CSDE1: variants seen among roughly 807,000 people sequenced by gnomAD.
CSDE1 encodes cold shock domain containing E1.
Under a neutral mutation model 89.3 loss-of-function variants are expected in CSDE1, and 17 were observed. The observed-to-expected ratio is 0.19, with a 90% CI of 0.13 to 0.29. The LOEUF (loss-of-function observed/expected upper bound fraction) is 0.29. Ranked by LOEUF, CSDE1 falls within the 10% of genes least tolerant of loss-of-function variation. The pLI is 1.00. For missense variants in CSDE1, 672 were observed against 984.2 expected (o/e 0.68, Z 4.24); for synonymous variants, 322 against 332.8 (o/e 0.97, Z 0.35).
intron 5 of CSDE1, 117 bp downstream of exon 5, chr1:114,737,354 C>A: frequency 1.1e-6 from 1 of 871,350 alleles, no homozygotes; most frequent in Non-Finnish European, 1.8e-6. Context: ...TCTTAGAAAC[C>A]AAATTTAAAA....
chr1:114,718,651 T>C lies in CSDE1; in HGVS notation c.2311A>G (p.Met771Val). 2 of 1,614,174 alleles carry C rather than the reference T, an allele frequency of 1.2e-6. No individual in the cohort carries two copies. Among genetic ancestry groups the C allele is most frequent in the Middle Eastern group, 1.7e-4 (1 of 6,060 alleles). The change falls in exon 19 of 20, where the codon ATG (methionine) becomes GTG (valine). Residue 771 changes from methionine to valine, a missense_variant. Met to Val is a conservative substitution (Grantham distance 21, BLOSUM62 1). This residue lies in a region of CSDE1 where 206 missense variants were observed against 332.4 expected (regional missense o/e 0.62). Transcript: ENST00000358528. Reference protein sequence around the residue: ...TLDDASAPRLMVLRQPRGPDN... With the variant: ...TLDDASAPRLVVLRQPRGPDN... ...GGTCCCCTTGGCTGACGAAGAACCA[T>C]TAGGCGAGGAGCACTGGCATCATCC...
At chr1:114,741,419 A>C in intron 2 of CSDE1, 1 of 1,040,466 alleles carries the variant, frequency 9.6e-7, no homozygotes, top group Non-Finnish European at 1.3e-6. Flanking sequence ...TGATTCGGGA[A>C]GTTAGAAGGT....
At chr1:114,741,613 G>A in intron 2 of CSDE1, 1 of 1,549,090 alleles carries the variant, frequency 6.5e-7, no homozygotes, top group Non-Finnish European at 8.7e-7. Context: ...AGTGAAGGAG[G>A]GGCTGCAGGA....
At chr1:114,719,546 A>G (rs1659394138) in intron 18 of CSDE1, 33 bp downstream of exon 18, 1 of 1,602,702 alleles carries the variant, frequency 6.2e-7, no homozygotes. Flanking sequence ...ACTCCAGGGT[A>G]GTTACTAATC....
intron 1 of CSDE1, among the ~76,000 whole-genome samples, chr1:114,753,504 T>C (rs1407688892): frequency 1.3e-5 from 2 of 152,210 alleles, no homozygotes; most frequent in Admixed American, 6.5e-5. Context: ...TAAATAGCTA[T>C]CCACTCATGC....
At chr1:114,723,796 T>C (rs1659654599) in intron 16 of CSDE1, 87 bp downstream of exon 16, 1 of 1,570,358 alleles carries the variant, frequency 6.4e-7, no homozygotes, top group Non-Finnish European at 8.7e-7. Flanking sequence ...TAAAAACAAC[T>C]GCAATAAGCA....
intron 16 of CSDE1, among the ~76,000 whole-genome samples, chr1:114,721,358 G>A (rs1238775281): frequency 6.6e-6 from 1 of 152,184 alleles, no homozygotes; most frequent in Admixed American, 6.5e-5. Context: ...GGTTGTGGCT[G>A]TGATCACAAG....
At chr1:114,733,431 CA>C (rs1202294216) in intron 9 of CSDE1, among the ~76,000 whole-genome samples, 1 of 150,056 alleles carries the variant, frequency 6.7e-6, no homozygotes, top group Non-Finnish European at 1.5e-5. Flanking sequence ...GAGGCTGAGG[CA>C]GGAGAATCGC....
In CSDE1 at chr1:114,717,972, C is replaced by A; in HGVS notation, c.*197G>T. On this transcript the variant is annotated 3_prime_UTR_variant, in exon 20 of 20. Coordinates refer to ENST00000358528, the MANE Select transcript of CSDE1 (RefSeq NM_001007553.3). ...TAAGTTTTTCCAGGCTGCAACTGTG[C>A]ATTATTTAAAATGGTTTTCTTAAAT... The A allele has an allele frequency of 1.7e-6, 1 of 571,760 alleles. No individual in the cohort carries two copies. Among genetic ancestry groups the A allele is most frequent in the Non-Finnish European group, 3.0e-6 (1 of 331,274 alleles). The allele number at this position is 571,760 out of a possible 1,614,324, so 35.4% of individuals were successfully genotyped here.
chr1:114,718,463 T>A lies in CSDE1; in HGVS notation c.2349+150A>T, dbSNP rs1209254043. On this transcript the variant is annotated intron_variant, in intron 19 of 19. Coordinates refer to ENST00000358528, the MANE Select transcript of CSDE1 (RefSeq NM_001007553.3). Reference sequence around the variant, plus strand: ...GTAAGCAACCATTAGGTTAGGGGGCTGAACCAATGTGTAGAAAGTCCTAAC... The same window carrying A: ...GTAAGCAACCATTAGGTTAGGGGGCAGAACCAATGTGTAGAAAGTCCTAAC... 2.0e-5 allele frequency: 23 copies of A among 1,136,110 alleles called. 1 individual carries two copies. The highest frequency in any genetic ancestry group is 2.8e-5 in the Non-Finnish European group (23 of 816,794). The allele number at this position is 1,136,110 out of a possible 1,614,324, so 70.4% of individuals were successfully genotyped here.
At chr1:114,730,779 G>T in intron 10 of CSDE1, 131 bp from the exon 11 acceptor site, 1 of 1,081,898 alleles carries the variant, frequency 9.2e-7, no homozygotes, top group Non-Finnish European at 1.3e-6. Context: ...ATCCACATTT[G>T]AACTGTTCTC....
chr1:114,737,403 A>T, intron 5 of CSDE1, 68 bp downstream of exon 5: 1 of 1,272,562 alleles, frequency 7.9e-7, no homozygotes. Flanking sequence ...TCTATTTTGA[A>T]TTTTAAAGTA....
chr1:114,754,800 G>C (rs1661503923), intron 1 of CSDE1, among the ~76,000 whole-genome samples: 1 of 152,132 alleles, frequency 6.6e-6, no homozygotes, highest in African/African-American at 2.4e-5. Context: ...CAACTGTGCT[G>C]GATTAATTAT....
In CSDE1 at chr1:114,733,742, C is replaced by G; in HGVS notation, c.827G>C (p.Ser276Thr). Residue 276 changes from serine to threonine, a missense_variant, in exon 9 of 20, where the codon AGT (serine) becomes ACT (threonine). Physicochemically the swap from Ser to Thr is moderately conservative, Grantham distance 58. Coordinates refer to ENST00000358528, the MANE Select transcript of CSDE1 (RefSeq NM_001007553.3). Reference protein sequence around the residue: ...TVTKVIPKVPSKNQNDPLPGR... With the variant: ...TVTKVIPKVPTKNQNDPLPGR... ...AAAAAGATTATTTACCTGGTTTTTACTGGGTACTTTTGGGATAACTTTGGT... is the reference window on the plus strand; with the variant it reads ...AAAAAGATTATTTACCTGGTTTTTAGTGGGTACTTTTGGGATAACTTTGGT... 4.3e-6 allele frequency: 7 copies of G among 1,613,108 alleles called. No homozygotes were observed. Among genetic ancestry groups the G allele is most frequent in the Non-Finnish European group, 5.9e-6 (7 of 1,179,700 alleles).
intron 1 of CSDE1, among the ~76,000 whole-genome samples, chr1:114,752,963 G>C (rs1412569907): frequency 2.0e-5 from 3 of 152,128 alleles, no homozygotes; most frequent in Non-Finnish European, 4.4e-5. Context: ...AAAGGAAAAA[G>C]GTAGTTAATC....
chr1:114,753,707 C>G (rs1661433144), intron 1 of CSDE1, among the ~76,000 whole-genome samples: 1 of 152,096 alleles, frequency 6.6e-6, no homozygotes, highest in Non-Finnish European at 1.5e-5. Context: ...TGTCTGAGAC[C>G]AGCCTGGGCA....
intron 1 of CSDE1, among the ~76,000 whole-genome samples, chr1:114,752,602 CTA>C (rs1661367788): frequency 6.6e-6 from 1 of 152,192 alleles, no homozygotes; most frequent in South Asian, 2.1e-4. Flanking sequence ...ATTACCTCGC[CTA>C]ATCCTTAAAC....
rs752985259 is a variant in CSDE1 at position 114,738,661 on chromosome 1, C to CTTT, written c.200-592_200-590dup. ...AAGCCAAACACTTCACATGTAAAAACTTTTTTTTTTTTTTTTTTTTTTTTT... is the reference window on the plus strand; with the variant it reads ...AAGCCAAACACTTCACATGTAAAAACTTTTTTTTTTTTTTTTTTTTTTTTTTTT... On this transcript the variant is annotated intron_variant, in intron 3 of 19. Transcript: ENST00000358528. Among the ~76,000 whole-genome samples the CTTT allele has an allele frequency of 7.7e-3, 617 of 80,048 alleles. 110 individuals carry two copies. Among genetic ancestry groups the CTTT allele is most frequent in the African/African-American group, 0.023 (451 of 19,336 alleles). The allele number at this position is 80,048 out of a possible 152,430, so 52.5% of individuals were successfully genotyped here.
chr1:114,733,307 C>T (rs1028452809), intron 9 of CSDE1, among the ~76,000 whole-genome samples: 1 of 152,038 alleles, frequency 6.6e-6, no homozygotes, highest in Non-Finnish European at 1.5e-5. Flanking sequence ...GTGGACAGAT[C>T]GCAAGGTCAA....
Sources: allele counts gnomAD v4.1 joint callset (sites outside exome capture counted in the v4.1 genomes callset), GRCh38; gene constraint gnomAD v4.1.1; regional missense constraint gnomAD v4.1.1; transcripts MANE v1.5; gene names NCBI Gene and HGNC (gene_info 2026-07-23, HGNC 2026-07-21).